The following PACS2 variants were observed in gnomAD, a reference collection of about 807,000 sequenced individuals.
PACS2 encodes the protein PACS1-like protein.
In PACS2, 36 loss-of-function variants were observed where a neutral mutation model predicts 113.0. That is an observed-to-expected ratio of 0.32 (90% confidence interval 0.24 to 0.42). PACS2 has a LOEUF of 0.42. PACS2 is among the 10% of genes least tolerant of loss of function. The probability of loss-of-function intolerance (pLI) is 1.00; values close to 1 mark genes in which losing one functional copy is unlikely to be tolerated. For missense variants in PACS2, 1,015 were observed against 1,239.5 expected (o/e 0.82, Z 2.72); for synonymous variants, 589 against 536.1 (o/e 1.10, Z -1.36).
intron 7 of PACS2, among the ~76,000 whole-genome samples, chr14:105,369,345 G>T (rs1047434323): frequency 6.6e-6 from 1 of 152,186 alleles, no homozygotes; most frequent in African/African-American, 2.4e-5. Context: ...GGCTGCCTTT[G>T]TAGGGTTGGT....
rs587758631 is a variant in PACS2, at chr14:105,379,637, A to C, written c.960-102A>C. ...GGACCCAGCTCTGCTCTGCCGTTGG[A>C]TTCTGCAGTCTGTCCCTCCAGGTGT... On this transcript the variant is annotated intron_variant, in intron 9 of 24. Coordinates refer to ENST00000447393, the MANE Select transcript of PACS2 (RefSeq NM_001100913.3). 9.7e-4 allele frequency: 912 copies of C among 939,748 alleles called. 5 individuals carry two copies. The highest frequency in any genetic ancestry group is 8.6e-3 in the South Asian group (605 of 70,068). 58.2% of individuals were successfully genotyped at this position (939,748 alleles called of 1,614,324 possible).
At chr14:105,328,376 TCTGGGCCTTC>T (rs2059196611) in intron 1 of PACS2, among the ~76,000 whole-genome samples, 2 of 152,182 alleles carry the variant, frequency 1.3e-5, no homozygotes, top group Non-Finnish European at 2.9e-5. Context: ...CACTGCCTCC[TCTGGGCCTTC>T]CTGGGGCTCT....
chr14:105,326,894 G>T (rs190024522), intron 1 of PACS2, among the ~76,000 whole-genome samples: 2 of 152,344 alleles, frequency 1.3e-5, no homozygotes, highest in Admixed American at 1.3e-4. Context: ...AGTCAGTCCT[G>T]CTGTTCCTTC....
At chr14:105,387,387 G>A (rs2081213432) in intron 19 of PACS2, among the ~76,000 whole-genome samples, 1 of 152,236 alleles carries the variant, frequency 6.6e-6, no homozygotes, top group African/African-American at 2.4e-5. Context: ...TGCCCGTGCA[G>A]CGCATGGGTG....
In PACS2 at chr14:105,317,095, C is replaced by T. The variant is rs1034369646; in HGVS notation, c.119+2058C>T. ...TGCTACTTAGTTTTGCTTTGTTCCT[C>T]CTGAGTTCTTCTGTACTCCTCACTT... On this transcript the variant is annotated intron_variant, in intron 1 of 24. Coordinates refer to ENST00000447393, the MANE Select transcript of PACS2 (RefSeq NM_001100913.3). This position sits in a 1 kb window ranked among gnomAD's most constrained non-coding sequence, Gnocchi z 4.2. Among the ~76,000 whole-genome samples the T allele has an allele frequency of 2.4e-4, 36 of 152,206 alleles. No homozygotes were observed.
In PACS2 at chr14:105,384,483, A is replaced by G; in HGVS notation, c.1891+20A>G. On this transcript the variant is annotated intron_variant, in intron 17 of 24. Coordinates refer to ENST00000447393, the MANE Select transcript of PACS2 (RefSeq NM_001100913.3). ...GTGCGGGTGAGGCCCGGGCGCGTCC[A>G]CAGCCCACGCCACGGCGGGAGGAAG... 6.5e-7 allele frequency: 1 copy of G among 1,528,980 alleles called. No individual in the cohort carries two copies. Among genetic ancestry groups the G allele is most frequent in the Non-Finnish European group, 9.0e-7 (1 of 1,107,864 alleles). 94.7% of individuals were successfully genotyped at this position (1,528,980 alleles called of 1,614,324 possible).
At chr14:105,387,257 C>T (rs1566967617) in intron 19 of PACS2, among the ~76,000 whole-genome samples, 1 of 152,224 alleles carries the variant, frequency 6.6e-6, no homozygotes, top group Non-Finnish European at 1.5e-5. Flanking sequence ...CCTCTCCAGC[C>T]AGGCTCCCCT....
chr14:105,350,773 A>C (rs1295332838), intron 2 of PACS2, among the ~76,000 whole-genome samples: 17 of 152,188 alleles, frequency 1.1e-4, no homozygotes. Flanking sequence ...GGGGAATGCT[A>C]AGAGGGACCC....
Position 105,384,872 on chromosome 14 carries a change from C to G in PACS2, c.1892-7C>G, listed in dbSNP as rs782726123. On this transcript the variant is annotated splice_polypyrimidine_tract_variant and splice_region_variant and intron_variant, in intron 17 of 24. Coordinates refer to ENST00000447393, the MANE Select transcript of PACS2 (RefSeq NM_001100913.3). ...GCCTAACCCCCCACCGCCTCCTCCC[C>G]CTGCAGTACAGGACACGCCAGACAT... The G allele has an allele frequency of 6.4e-7, 1 of 1,555,532 alleles. No homozygotes were observed. Among genetic ancestry groups the G allele is most frequent in the Admixed American group, 1.9e-5 (1 of 53,556 alleles).
intron 20 of PACS2, chr14:105,390,217 T>G (rs1305153197): frequency 5.0e-6 from 3 of 602,702 alleles, no homozygotes; most frequent in Non-Finnish European, 9.0e-6. Flanking sequence ...CCCTTAGCTC[T>G]GCCTTGGGGG....
intron 8 of PACS2, chr14:105,372,952 A>T (rs1433123443): frequency 6.6e-6 from 1 of 152,206 alleles, no homozygotes; most frequent in Non-Finnish European, 1.5e-5. Flanking sequence ...TGCAAATAAC[A>T]TACCTGGTAA....
chr14:105,376,651 G>T lies in PACS2; in HGVS notation c.802-117G>T. 1.1e-6 allele frequency: 1 copy of T among 893,600 alleles called. No individual in the cohort carries two copies. Among genetic ancestry groups the T allele is most frequent in the Non-Finnish European group, 1.7e-6 (1 of 583,990 alleles). 55.4% of individuals were successfully genotyped at this position (893,600 alleles called of 1,614,324 possible). A position where few individuals can be genotyped will look rare whatever the true frequency, so the allele number is the denominator to read the frequency against. ...GACTACAGCCGTGCTGAGTGGAGGG[G>T]TTTGGTGGCTGGGTGCCCGCCTCCT... On this transcript the variant is annotated intron_variant, in intron 8 of 24. Transcript: ENST00000447393. The surrounding 1 kb of genome is among the most constrained non-coding windows in gnomAD (Gnocchi z 4.7).
rs2141237475 is a variant in PACS2 at position 105,381,024 on chromosome 14, T to C, written c.1193T>C (p.Leu398Pro). Residue 398 changes from leucine (L) to proline (P), a missense_variant, in exon 12 of 25, where the codon CTG becomes CCG. By Grantham distance (98) the Leu-to-Pro change is moderately conservative. Around this residue, in one of 3 missense-constraint regions of PACS2, gnomAD observed 859 missense variants for 1,056.8 expected, o/e 0.81. Coordinates refer to ENST00000447393, the MANE Select transcript of PACS2 (RefSeq NM_001100913.3). ...EDSPEAEASTLDVFTERLPPS... is the reference protein window; with the variant it reads ...EDSPEAEASTPDVFTERLPPS... ...AGCCCCGAGGCTGAGGCCTCCACCCTGGATGTGTTCACGGAGAGGCTGCCG... is the reference window on the plus strand; with the variant it reads ...AGCCCCGAGGCTGAGGCCTCCACCCCGGATGTGTTCACGGAGAGGCTGCCG... 6.2e-7 allele frequency: 1 copy of C among 1,612,516 alleles called. No individual in the cohort carries two copies. Among genetic ancestry groups the C allele is most frequent in the Admixed American group, 1.7e-5 (1 of 59,980 alleles).
At chr14:105,349,909 GGA>G (rs2060097961) in intron 2 of PACS2, among the ~76,000 whole-genome samples, 1 of 150,254 alleles carries the variant, frequency 6.7e-6, no homozygotes, top group African/African-American at 2.5e-5. Context: ...AGAACTTCCA[GGA>G]GAGCGTGGCT....
intron 4 of PACS2, among the ~76,000 whole-genome samples, chr14:105,362,153 T>C (rs376788642): frequency 1.7e-4 from 26 of 150,138 alleles, no homozygotes; most frequent in African/African-American, 5.9e-4. Context: ...GTGTGGTGGC[T>C]CACGCCTGTC....
At chr14:105,364,208 C>T (rs1186186159) in intron 4 of PACS2, among the ~76,000 whole-genome samples, 2 of 152,148 alleles carry the variant, frequency 1.3e-5, no homozygotes, top group African/African-American at 2.4e-5. Context: ...TTGCCAAAAG[C>T]CTTCACTGTA....
intron 4 of PACS2, among the ~76,000 whole-genome samples, chr14:105,360,535 T>A (rs1257180833): frequency 6.8e-6 from 1 of 146,082 alleles, no homozygotes; most frequent in East Asian, 2.0e-4. Context: ...AGAGTAAGAC[T>A]TCCTCTCAAA....
intron 1 of PACS2, among the ~76,000 whole-genome samples, chr14:105,343,544 A>G (rs2059811940): frequency 6.6e-6 from 1 of 151,790 alleles, no homozygotes; most frequent in African/African-American, 2.4e-5. Context: ...TTTATTTTTC[A>G]TGTTTTTTAA....
At chr14:105,305,731 C>T (rs1451694021) in intron 1 of PACS2, among the ~76,000 whole-genome samples, 1 of 152,184 alleles carries the variant, frequency 6.6e-6, no homozygotes, top group Non-Finnish European at 1.5e-5. Context: ...CTGCAAGCGC[C>T]CCAGGAAGCT....
Sources: allele counts gnomAD v4.1 joint callset (sites outside exome capture counted in the v4.1 genomes callset), GRCh38; gene constraint gnomAD v4.1.1; regional missense constraint gnomAD v4.1.1; non-coding constraint Gnocchi (gnomAD v3.1); transcripts MANE v1.5; gene names NCBI Gene and HGNC (gene_info 2026-07-23, HGNC 2026-07-21).